The following MAGIX variants were observed in gnomAD, a reference collection of about 807,000 sequenced individuals.
MAGIX encodes MAGI family member, X-linked.
MAGIX carries 13 observed loss-of-function variants against 10.0 expected under a neutral mutation model. The observed-to-expected ratio is 1.30, with a 90% CI of 0.84 to 2.06. The LOEUF (loss-of-function observed/expected upper bound fraction) is 2.06. Among genes scored for constraint, MAGIX ranks in the 30% most tolerant of loss-of-function variants. The pLI, the probability that MAGIX is intolerant of heterozygous loss-of-function variation, is 0.00. For missense variants in MAGIX, 235 were observed against 245.2 expected (o/e 0.96, Z 0.28); for synonymous variants, 108 against 106.8 (o/e 1.01, Z -0.07).
intron 3 of MAGIX, 21 bp from the exon 5 acceptor site, chrX:49,165,169 G>A: frequency 8.3e-7 from 1 of 1,200,100 alleles, no homozygotes; most frequent in Non-Finnish European, 1.1e-6. Context: ...TTTCCAACAC[G>A]ACTGCATTGC....
chrX:49,163,773 T>C lies in MAGIX; in HGVS notation c.-201-10T>C, dbSNP rs782503523. The stretch of plus-strand genomic sequence containing the variant: ...AGGGTCGGCGTTGACCTGTCCCCTC[T>C]TGCGCGCAGGCCGCGGCCCCTCCCC... On this transcript the variant is annotated splice_polypyrimidine_tract_variant and intron_variant, in intron 1 of 4. Transcript: ENST00000616266. The C allele has an allele frequency of 2.9e-6, 3 of 1,044,260 alleles. No individual in the cohort carries two copies. Among genetic ancestry groups the C allele is most frequent in the Admixed American group, 4.6e-5 (1 of 21,512 alleles). 86.1% of individuals were successfully genotyped at this position (1,044,260 alleles called of 1,213,427 possible).
At chrX:49,162,849 C>T in intron 1 of MAGIX, 1 of 852,723 alleles carries the variant, frequency 1.2e-6, no homozygotes, top group Non-Finnish European at 1.6e-6. Flanking sequence ...GCTCAAAATT[C>T]GTAGCTGGCA....
At chrX:49,165,603 A>G in intron 4 of MAGIX, 1 of 379,044 alleles carries the variant, frequency 2.6e-6, no homozygotes, top group Non-Finnish European at 4.5e-6. Context: ...TGGGTTTTCC[A>G]GGTACTGGGG....
At chrX:49,164,927 C>T in exon 3 of MAGIX, 3 of 1,212,152 alleles carry the variant, frequency 2.5e-6, no homozygotes, top group Non-Finnish European at 3.4e-6. Flanking sequence ...CGTAGTGCTC[C>T]GAAGCCATCC....
exon 5 of MAGIX, chrX:49,167,131 T>C (rs2065373165): frequency 8.8e-6 from 1 of 113,917 alleles, no homozygotes. Context: ...GGAGCCCCCT[T>C]TGGGGCGGAG....
At chrX:49,165,298 C>G (rs782468533) in exon 4 of MAGIX, 33 of 1,180,852 alleles carry the variant, frequency 2.8e-5, no homozygotes, top group Non-Finnish European at 3.7e-5. Context: ...CCTGGTTATT[C>G]GTCGGCCTCT....
At position 49,164,707 on chromosome X, in the gene MAGIX, C is replaced by G. The variant is rs782344294; in HGVS notation, c.-54C>G. On this transcript the variant is annotated splice_region_variant and 5_prime_UTR_variant, in exon 3 of 5. Coordinates refer to ENST00000616266, the Ensembl canonical transcript of MAGIX. ...CCTCTCCACTGCTTTTATCTCCCAG[C>G]TGTTAGCGTGCTGGACTCTGCGGAC... 4.1e-6 allele frequency: 5 copies of G among 1,208,331 alleles called. No homozygotes were observed. The African/African-American group carries it at 5.2e-5, about 13-fold the overall frequency.
At chrX:49,165,611 G>C (rs781987266) in intron 4 of MAGIX, 64 of 373,340 alleles carry the variant, frequency 1.7e-4, no homozygotes, top group Non-Finnish European at 2.8e-4. Flanking sequence ...CCAGGTACTG[G>C]GGGAAGAGAA....
intron 2 of MAGIX, chrX:49,164,131 G>A (rs1557096987): frequency 9.2e-6 from 3 of 324,595 alleles, no homozygotes; most frequent in African/African-American, 5.5e-5. Context: ...TATTGCAGTC[G>A]GCGAGGGCTA....
exon 5 of MAGIX, chrX:49,167,160 G>A (rs1222044398): frequency 8.8e-6 from 1 of 114,114 alleles, no homozygotes; most frequent in East Asian, 2.8e-4. Context: ...GTGTGAGTCA[G>A]CGCCCCTGGA....
At chrX:49,164,416 G>A in intron 2 of MAGIX, 2 of 407,501 alleles carry the variant, frequency 4.9e-6, no homozygotes, top group Admixed American at 4.2e-5. Context: ...TGTTGTTTGA[G>A]GGATGTGTTC....
chrX:49,165,810 G>T, intron 4 of MAGIX: 1 of 379,360 alleles, frequency 2.6e-6, no homozygotes, highest in Middle Eastern at 7.0e-4. Context: ...AGAGAGCAGG[G>T]GCTCCTAGAT....
chrX:49,165,892 G>A lies in MAGIX; in HGVS notation c.503-182G>A, dbSNP rs1305828356. ...GGGGCATGTTCTGGATCCAGGAGGGGAGGGGTCTCGGGAAAGGAGGTGTCG... is the reference window on the plus strand; with the variant it reads ...GGGGCATGTTCTGGATCCAGGAGGGAAGGGGTCTCGGGAAAGGAGGTGTCG... On this transcript the variant is annotated intron_variant, in intron 4 of 4. Transcript: ENST00000616266. 1.1e-5 allele frequency: 5 copies of A among 439,307 alleles called. No homozygotes were observed. In the African/African-American group the frequency reaches 1.3e-4, roughly 11 times the overall value. The allele number at this position is 439,307 out of a possible 1,213,427, so 36.2% of individuals were successfully genotyped here.
At chrX:49,167,442 C>A (rs1382464940) in exon 5 of MAGIX, 1 of 113,515 alleles carries the variant, frequency 8.8e-6, no homozygotes, top group South Asian at 3.6e-4. Context: ...CCTGAGCACT[C>A]GGCCCCATCC....
exon 5 of MAGIX, chrX:49,166,607 G>A: frequency 2.4e-6 from 1 of 409,551 alleles, no homozygotes; most frequent in Non-Finnish European, 4.2e-6. Flanking sequence ...TCTGGGAGGG[G>A]GAGGTAATAA....
exon 5 of MAGIX, chrX:49,168,100 CAT>C (rs1283863747): frequency 8.9e-6 from 1 of 111,816 alleles, no homozygotes; most frequent in Non-Finnish European, 1.9e-5. Context: ...AGGAACAAGA[CAT>C]AAAATTTCTT....
At chrX:49,163,263 G>A (rs1327137240) in intron 1 of MAGIX, 1 of 181,507 alleles carries the variant, frequency 5.5e-6, no homozygotes, top group Non-Finnish European at 9.9e-6. Context: ...GAACTGGGGG[G>A]AGGGGAGCTG....
chrX:49,164,246 G>A, intron 2 of MAGIX: 1 of 262,521 alleles, frequency 3.8e-6, no homozygotes, highest in Non-Finnish European at 6.7e-6. Context: ...CGAAGGGGCA[G>A]GCCTGAAATG....
In MAGIX at chrX:49,165,385, T is replaced by C. The variant is rs147071787; in HGVS notation, c.502+24T>C. On this transcript the variant is annotated intron_variant, in intron 4 of 4. Coordinates refer to ENST00000616266, the Ensembl canonical transcript of MAGIX. ...TGGTGGGTTTCCCAAGGGAGAGAAG[T>C]CAGAGATCAGTGAGGAGAAGGGAGA... 2.6e-3 allele frequency: 2,920 copies of C among 1,121,987 alleles called. 77 individuals carry two copies. The East Asian group carries it at 0.08, about 31-fold the overall frequency. The allele number at this position is 1,121,987 out of a possible 1,213,427, so 92.5% of individuals were successfully genotyped here.
Sources: allele counts gnomAD v4.1 joint callset, GRCh38; gene constraint gnomAD v4.1.1; transcripts MANE v1.5; gene names NCBI Gene and HGNC (gene_info 2026-07-23, HGNC 2026-07-21).